The following NXPH1 variants were observed in gnomAD, a reference collection of about 807,000 sequenced individuals.
NXPH1 encodes neurexophilin-1.
NXPH1 carries 5 observed loss-of-function variants against 23.7 expected under a neutral mutation model. The ratio of observed to expected loss-of-function variants is 0.21; its 90% CI spans 0.11 to 0.44. The LOEUF is 0.44. Ranked by LOEUF, NXPH1 falls within the 20% of genes least tolerant of loss-of-function variation. NXPH1 has a pLI of 0.99. For missense variants in NXPH1, 324 were observed against 321.6 expected, an observed-to-expected ratio of 1.01 and a Z score of -0.06; for synonymous variants, 144 against 122.2, an observed-to-expected ratio of 1.18 and a Z score of -1.18.
At chr7:8,491,353 A>G (rs765971135) in intron 2 of NXPH1, among the ~76,000 whole-genome samples, 2 of 152,020 alleles carry the variant, frequency 1.3e-5, no homozygotes, top group Non-Finnish European at 2.9e-5. Flanking sequence ...TTGGCCTTGA[A>G]AAAGGGTAAA....
intron 2 of NXPH1, among the ~76,000 whole-genome samples, chr7:8,683,623 T>A (rs1172977481): frequency 6.6e-6 from 1 of 152,206 alleles, no homozygotes; most frequent in African/African-American, 2.4e-5. Flanking sequence ...TAAATATCTT[T>A]AATTTAAAAA....
At position 8,751,561 on chromosome 7, in the gene NXPH1, A is replaced by T. The variant is rs759311254; in HGVS notation, c.608A>T (p.Lys203Met). ...CGCATTGAATATGAAAAGGTTGACA[A>T]GGCTACCAAGAACACACTCTGCAAC... ...NCRIEYEKVD[K>M]ATKNTLCNYD... The change falls in exon 3 of 3, where the codon AAG (lysine) becomes ATG (methionine). Residue 203 changes from lysine (K) to methionine (M), a missense_variant. Physicochemically the swap from Lys to Met is moderately conservative, Grantham distance 95. Coordinates refer to ENST00000405863, the MANE Select transcript of NXPH1 (RefSeq NM_152745.3). The surrounding 1 kb of genome is among the most constrained non-coding windows in gnomAD (Gnocchi z 4.5). The T allele has an allele frequency of 5.6e-6, 9 of 1,613,326 alleles. No individual in the cohort carries two copies. The highest frequency in any genetic ancestry group is 7.6e-6 in the Non-Finnish European group (9 of 1,179,688).
At chr7:8,708,023 CATAT>C (rs1366710176) in intron 2 of NXPH1, among the ~76,000 whole-genome samples, 2 of 151,974 alleles carry the variant, frequency 1.3e-5, no homozygotes, top group Admixed American at 1.3e-4. Flanking sequence ...AATATGCACT[CATAT>C]ATATGAATAT....
intron 2 of NXPH1, among the ~76,000 whole-genome samples, chr7:8,485,369 T>C (rs1354794184): frequency 1.3e-5 from 2 of 152,148 alleles, no homozygotes; most frequent in Non-Finnish European, 1.5e-5. Flanking sequence ...GGGTATGTCT[T>C]TATTAGCAGC....
intron 2 of NXPH1, among the ~76,000 whole-genome samples, chr7:8,455,004 T>C (rs1033860419): frequency 1.3e-5 from 2 of 152,224 alleles, no homozygotes; most frequent in African/African-American, 4.8e-5. Context: ...TCTAGAAGTC[T>C]AATTTATGAT....
chr7:8,502,674 G>A (rs1256740845), intron 2 of NXPH1, among the ~76,000 whole-genome samples: 2 of 151,778 alleles, frequency 1.3e-5, no homozygotes, highest in African/African-American at 4.8e-5. Context: ...CTGAGATAGA[G>A]CTTTCAAGGA....
chr7:8,621,633 G>A (rs2189455), intron 2 of NXPH1, among the ~76,000 whole-genome samples: 46,326 of 151,560 alleles, frequency 0.31, 7,970 homozygotes, highest in African/African-American at 0.45. Context: ...GATTACAGGC[G>A]TCTGGCACCA....
chr7:8,551,046 T>C (rs1416752550), intron 2 of NXPH1, among the ~76,000 whole-genome samples: 2 of 151,538 alleles, frequency 1.3e-5, no homozygotes, highest in Non-Finnish European at 3.0e-5. Context: ...ACTTCTAATA[T>C]GTATTAGAAA....
intron 2 of NXPH1, among the ~76,000 whole-genome samples, chr7:8,555,076 G>T (rs1818335601): frequency 6.6e-6 from 1 of 151,522 alleles, no homozygotes; most frequent in African/African-American, 2.4e-5. Flanking sequence ...AAAAGTGTAG[G>T]TCCTCAATAA....
At position 8,442,934 on chromosome 7, in the gene NXPH1, C is replaced by T. The variant is rs1174690380; in HGVS notation, c.54+7167C>T. 2.0e-5 allele frequency among the ~76,000 whole-genome samples: 3 copies of T among 152,254 alleles called. No homozygotes were observed. Among genetic ancestry groups the T allele is most frequent in the African/African-American group, 7.2e-5 (3 of 41,478 alleles). On this transcript the variant is annotated intron_variant, in intron 2 of 2. Coordinates refer to ENST00000405863, the MANE Select transcript of NXPH1 (RefSeq NM_152745.3). The surrounding 1 kb of genome is among the most constrained non-coding windows in gnomAD (Gnocchi z 4.6). ...GCGGGCTATAAGATTTGATCGCGGGCAGGCGGGCGTGGGGCACGCCAGGGC... is the reference window on the plus strand; with the variant it reads ...GCGGGCTATAAGATTTGATCGCGGGTAGGCGGGCGTGGGGCACGCCAGGGC...
chr7:8,747,559 G>T (rs914177032), intron 2 of NXPH1, among the ~76,000 whole-genome samples: 3 of 152,118 alleles, frequency 2.0e-5, no homozygotes, highest in Non-Finnish European at 4.4e-5. Context: ...TAAGCACTAA[G>T]CCACTACTAA....
At chr7:8,585,971 G>A (rs894254918) in intron 2 of NXPH1, among the ~76,000 whole-genome samples, 1 of 152,060 alleles carries the variant, frequency 6.6e-6, no homozygotes, top group African/African-American at 2.4e-5. Flanking sequence ...GGAATGTTGG[G>A]GATAAAACAT....
At chr7:8,518,529 T>C (rs1019982604) in intron 2 of NXPH1, among the ~76,000 whole-genome samples, 5 of 152,152 alleles carry the variant, frequency 3.3e-5, no homozygotes, top group Admixed American at 6.5e-5. Flanking sequence ...TCTTGCTGTG[T>C]TATGCAGGCT....
intron 2 of NXPH1, among the ~76,000 whole-genome samples, chr7:8,690,526 C>G (rs567017661): frequency 6.6e-5 from 10 of 152,174 alleles, no homozygotes; most frequent in Non-Finnish European, 1.5e-4. Flanking sequence ...AATAAGAATA[C>G]TAATGAATAC....
intron 2 of NXPH1, among the ~76,000 whole-genome samples, chr7:8,679,002 C>T (rs1583227024): frequency 7.9e-6 from 1 of 126,294 alleles, no homozygotes; most frequent in African/African-American, 3.2e-5. Flanking sequence ...AGGCTGAGTG[C>T]AGTGGCACGA....
At chr7:8,648,285 A>C (rs1820428104) in intron 2 of NXPH1, among the ~76,000 whole-genome samples, 1 of 151,992 alleles carries the variant, frequency 6.6e-6, no homozygotes, top group African/African-American at 2.4e-5. Context: ...TGTAGCCATT[A>C]ACCACTCCCA....
chr7:8,642,586 A>T (rs1223684971), intron 2 of NXPH1, among the ~76,000 whole-genome samples: 1 of 152,076 alleles, frequency 6.6e-6, no homozygotes, highest in East Asian at 1.9e-4. Context: ...TGCCTTTTTG[A>T]CCATCTGTCT....
At chr7:8,640,577 G>C (rs1349626421) in intron 2 of NXPH1, among the ~76,000 whole-genome samples, 2 of 151,998 alleles carry the variant, frequency 1.3e-5, no homozygotes, top group Non-Finnish European at 2.9e-5. Context: ...TTAATATATA[G>C]AAAGTGCTCA....
At chr7:8,596,964 T>C (rs1275551382) in intron 2 of NXPH1, among the ~76,000 whole-genome samples, 1 of 152,032 alleles carries the variant, frequency 6.6e-6, no homozygotes, top group Non-Finnish European at 1.5e-5. Flanking sequence ...ATATTATTTG[T>C]GGGAATAATC....
Sources: gnomAD v4.1 joint callset for allele counts (sites outside exome capture counted in the v4.1 genomes callset) on GRCh38, gnomAD v4.1.1 for gene constraint, Gnocchi (gnomAD v3.1) non-coding constraint, MANE v1.5 for transcripts, NCBI Gene and HGNC (gene_info 2026-07-23, HGNC 2026-07-21) for gene names.